The following PRKCB variants were observed in gnomAD, a reference collection of about 807,000 sequenced individuals.
PRKCB encodes protein kinase C beta.
A neutral mutation model predicts 81.5 loss-of-function variants in PRKCB; 13 were observed. The observed-to-expected ratio is 0.16, with a 90% confidence interval of 0.10 to 0.25. PRKCB has a LOEUF of 0.25. Ranked by LOEUF, PRKCB falls within the 10% of genes least tolerant of loss-of-function variation. The probability of loss-of-function intolerance (pLI) is 1.00; values close to 1 mark genes in which losing one functional copy is unlikely to be tolerated. For synonymous variants in PRKCB, 335 were observed against 321.4 expected, an observed-to-expected ratio of 1.04 and a Z score of -0.45; for missense variants, 509 against 875.7, an observed-to-expected ratio of 0.58 and a Z score of 5.29.
At chr16:24,070,187 C>T (rs968234504) in intron 5 of PRKCB, among the ~76,000 whole-genome samples, 7 of 146,746 alleles carry the variant, frequency 4.8e-5, no homozygotes, top group East Asian at 2.0e-4. Context: ...CTTGCTCTGT[C>T]GTCCAGGCTG....
At chr16:23,884,413 T>TCG in intron 2 of PRKCB, among the ~76,000 whole-genome samples, 1 of 152,368 alleles carries the variant, frequency 6.6e-6, no homozygotes, top group South Asian at 2.1e-4. Flanking sequence ...CCCTTAGCTC[T>TCG]CGTTTTCTGC....
chr16:23,869,953 C>T (rs934589767), intron 2 of PRKCB, among the ~76,000 whole-genome samples: 3 of 149,348 alleles, frequency 2.0e-5, no homozygotes, highest in South Asian at 2.1e-4. Flanking sequence ...ACCTGGGAGG[C>T]GGAGGTTGCG....
chr16:24,029,884 T>G (rs1965529865), intron 3 of PRKCB, among the ~76,000 whole-genome samples: 1 of 152,148 alleles, frequency 6.6e-6, no homozygotes, highest in African/African-American at 2.4e-5. Flanking sequence ...GTTATTAACT[T>G]CTGCCATGTA....
intron 5 of PRKCB, among the ~76,000 whole-genome samples, chr16:24,036,133 C>A (rs1489271772): frequency 6.6e-6 from 1 of 152,008 alleles, no homozygotes; most frequent in African/African-American, 2.4e-5. Context: ...ATATTTTCTG[C>A]ATGTCTAAAA....
chr16:24,000,650 A>G (rs1417602973), intron 3 of PRKCB, among the ~76,000 whole-genome samples: 3 of 152,234 alleles, frequency 2.0e-5, no homozygotes, highest in African/African-American at 4.8e-5. Flanking sequence ...CGCTTGGCAC[A>G]GTGCATAGCA....
At chr16:24,060,885 A>G (rs1430043672) in intron 5 of PRKCB, among the ~76,000 whole-genome samples, 2 of 152,162 alleles carry the variant, frequency 1.3e-5, no homozygotes, top group African/African-American at 4.8e-5. Context: ...TTCCCTGAGA[A>G]GCCGCCTGCA....
intron 2 of PRKCB, among the ~76,000 whole-genome samples, chr16:23,974,266 G>A (rs1964597297): frequency 6.6e-6 from 1 of 152,178 alleles, no homozygotes; most frequent in Non-Finnish European, 1.5e-5. Flanking sequence ...GAATGGTGGT[G>A]CTGAGGAGAC....
intron 2 of PRKCB, among the ~76,000 whole-genome samples, chr16:23,971,874 T>C (rs892849283): frequency 2.0e-5 from 3 of 152,170 alleles, no homozygotes; most frequent in Non-Finnish European, 4.4e-5. Context: ...AAGTTAAACA[T>C]AGAGTTACAG....
intron 2 of PRKCB, among the ~76,000 whole-genome samples, chr16:23,932,390 A>G (rs1214453617): frequency 2.0e-5 from 3 of 152,212 alleles, no homozygotes; most frequent in Admixed American, 1.3e-4. Flanking sequence ...AAATAAAACT[A>G]AGCGATGCTA....
rs141121693 is a variant in PRKCB at position 24,079,197 on chromosome 16, T to G, written c.530-13594T>G. 6.6e-3 allele frequency among the ~76,000 whole-genome samples: 1,002 copies of G among 152,332 alleles called. 37 individuals are homozygous for G. The highest frequency in any genetic ancestry group is 0.061 in the Admixed American group (930 of 15,302). On this transcript the variant is annotated intron_variant, in intron 5 of 16. Transcript: ENST00000643927. ...ATCCCAAACCTATAAGAACTAATGA[T>G]AATCCCATCATCCTTTGCTGACTCT...
intron 10 of PRKCB, among the ~76,000 whole-genome samples, chr16:24,159,392 A>G (rs571302077): frequency 2.3e-4 from 35 of 152,340 alleles, no homozygotes; most frequent in Admixed American, 1.8e-3. Flanking sequence ...GGCCTTGACA[A>G]TGATGATACA....
At chr16:23,914,808 C>A (rs952071981) in intron 2 of PRKCB, among the ~76,000 whole-genome samples, 25 of 152,268 alleles carry the variant, frequency 1.6e-4, no homozygotes, top group African/African-American at 5.3e-4. Flanking sequence ...TCTTCATGGG[C>A]CAGTCCAGCT....
rs1302331884 is a variant in PRKCB, at chr16:23,908,967, G to A, written c.205+71561G>A. 2.0e-5 allele frequency among the ~76,000 whole-genome samples: 3 copies of A among 152,226 alleles called. No homozygotes were observed. The East Asian group carries it at 5.8e-4, about 29-fold the overall frequency. ...AAACGCTGTCCAGTTTCCTCTGCAC[G>A]TCCTTAGCATGCTCCCTGCACACCC... On this transcript the variant is annotated intron_variant, in intron 2 of 16. Coordinates refer to ENST00000643927, the MANE Select transcript of PRKCB (RefSeq NM_002738.7).
chr16:24,001,789 T>C (rs555702824), intron 3 of PRKCB, among the ~76,000 whole-genome samples: 1 of 151,986 alleles, frequency 6.6e-6, no homozygotes, highest in East Asian at 1.9e-4. Flanking sequence ...ACCTTTACAA[T>C]TTTTTTTAAA....
chr16:24,172,917 A>G (rs1208143717), intron 11 of PRKCB, among the ~76,000 whole-genome samples: 1 of 152,156 alleles, frequency 6.6e-6, no homozygotes, highest in Non-Finnish European at 1.5e-5. Flanking sequence ...CTTAACAAAC[A>G]TCGTCTCACT....
intron 2 of PRKCB, among the ~76,000 whole-genome samples, chr16:23,935,865 C>A (rs1245013341): frequency 2.0e-5 from 3 of 152,028 alleles, no homozygotes; most frequent in Non-Finnish European, 4.4e-5. Flanking sequence ...AGACACTGGA[C>A]TACTGGAAGT....
intron 2 of PRKCB, among the ~76,000 whole-genome samples, chr16:23,977,306 G>A (rs981667992): frequency 3.3e-5 from 5 of 152,116 alleles, no homozygotes; most frequent in Admixed American, 2.0e-4. Context: ...GTGGAGGTGC[G>A]TTCAGAGTAG....
In PRKCB at chr16:23,913,923, G is replaced by A. The variant is rs112190953; in HGVS notation, c.206-74585G>A. Among the ~76,000 whole-genome samples, 517 of 152,304 alleles carry A rather than the reference G, an allele frequency of 3.4e-3. 1 individual carries two copies. Among genetic ancestry groups the A allele is most frequent in the African/African-American group, 0.012 (487 of 41,554 alleles). On this transcript the variant is annotated intron_variant, in intron 2 of 16. Coordinates refer to ENST00000643927, the MANE Select transcript of PRKCB (RefSeq NM_002738.7). ...TGCCCCCTGTGTGCCATTTGCCTTG[G>A]GACAGAGATGGCCCCCATTTTCCAA...
At chr16:23,845,234 T>C (rs1962347487) in intron 2 of PRKCB, among the ~76,000 whole-genome samples, 1 of 152,202 alleles carries the variant, frequency 6.6e-6, no homozygotes. Flanking sequence ...AGATAAGACA[T>C]TCTACAGATC....
Sources: allele counts gnomAD v4.1 joint callset (sites outside exome capture counted in the v4.1 genomes callset), GRCh38; gene constraint gnomAD v4.1.1; transcripts MANE v1.5; gene names NCBI Gene and HGNC (gene_info 2026-07-23, HGNC 2026-07-21).